ATG10: variants seen among roughly 807,000 people sequenced by gnomAD.
ATG10 encodes ubiquitin-like-conjugating enzyme ATG10.
In ATG10, 30 loss-of-function variants were observed where a neutral mutation model predicts 32.1. The observed-to-expected ratio is 0.94, with a 90% CI of 0.70 to 1.27. The LOEUF is 1.27. ATG10 is among the 50% of genes most tolerant of loss of function. The pLI, the probability that ATG10 is intolerant of heterozygous loss-of-function variation, is 0.00. For synonymous variants in ATG10, 87 were observed against 91.5 expected, an observed-to-expected ratio of 0.95 and a Z score of 0.28; for missense variants, 233 against 262.3, an observed-to-expected ratio of 0.89 and a Z score of 0.77.
chr5:82,033,225 T>C (rs906260717), intron 2 of ATG10, among the ~76,000 whole-genome samples: 1 of 152,204 alleles, frequency 6.6e-6, no homozygotes, highest in Non-Finnish European at 1.5e-5. Context: ...AATTTTTATA[T>C]GTACATATAT....
intron 3 of ATG10, among the ~76,000 whole-genome samples, chr5:82,115,179 A>G (rs1454397300): frequency 6.6e-6 from 1 of 152,104 alleles, no homozygotes; most frequent in Non-Finnish European, 1.5e-5. Flanking sequence ...GAAGAAATCA[A>G]CGATGAAAAG....
chr5:82,190,723 G>A (rs1464476883), intron 5 of ATG10, among the ~76,000 whole-genome samples: 4 of 121,032 alleles, frequency 3.3e-5, no homozygotes, highest in East Asian at 2.9e-4. Flanking sequence ...GCAGTGAGCC[G>A]AGATCACACC....
intron 5 of ATG10, among the ~76,000 whole-genome samples, chr5:82,235,649 G>A (rs1746525229): frequency 6.6e-6 from 1 of 152,192 alleles, no homozygotes; most frequent in Non-Finnish European, 1.5e-5. Flanking sequence ...GCAGGGGTTT[G>A]ACTAGAGAGA....
chr5:82,085,972 ATAT>A (rs995792319), intron 3 of ATG10, among the ~76,000 whole-genome samples: 4 of 152,188 alleles, frequency 2.6e-5, no homozygotes, highest in Non-Finnish European at 5.9e-5. Context: ...ACAATAGATA[ATAT>A]TGAATTAAAA....
chr5:82,193,224 A>C (rs1463134698), intron 5 of ATG10, among the ~76,000 whole-genome samples: 1 of 152,184 alleles, frequency 6.6e-6, no homozygotes, highest in East Asian at 1.9e-4. Context: ...GATGTATCTT[A>C]GTATGTCCTA....
chr5:82,225,164 A>T (rs1028077588), intron 5 of ATG10, among the ~76,000 whole-genome samples: 7 of 152,204 alleles, frequency 4.6e-5, no homozygotes, highest in African/African-American at 4.8e-5. Context: ...TTCAAATTTT[A>T]TGGGTATTTC....
intron 2 of ATG10, among the ~76,000 whole-genome samples, chr5:81,993,302 CTTTCT>C (rs1761516953): frequency 3.1e-5 from 1 of 32,032 alleles, no homozygotes; most frequent in African/African-American, 6.4e-5. Flanking sequence ...TCTTTCTTTC[CTTTCT>C]TTCCTTTCTT....
intron 4 of ATG10, among the ~76,000 whole-genome samples, chr5:82,174,791 T>A (rs1167445165): frequency 1.3e-5 from 2 of 152,302 alleles, no homozygotes; most frequent in South Asian, 4.1e-4. Flanking sequence ...TAAAAACATG[T>A]AGTCCCACCA....
At chr5:82,043,338 T>C (rs971502095) in intron 2 of ATG10, among the ~76,000 whole-genome samples, 2 of 152,212 alleles carry the variant, frequency 1.3e-5, no homozygotes, top group African/African-American at 4.8e-5. Context: ...AGTGGGGCCC[T>C]GGGCCTGGCC....
At chr5:81,979,237 A>T (rs1227706727) in intron 1 of ATG10, among the ~76,000 whole-genome samples, 2 of 144,398 alleles carry the variant, frequency 1.4e-5, no homozygotes, top group East Asian at 4.8e-4. Context: ...TTAAAAAAAA[A>T]TGTTTACTGG....
intron 3 of ATG10, among the ~76,000 whole-genome samples, chr5:82,098,274 G>A (rs1467416858): frequency 6.7e-6 from 1 of 148,666 alleles, no homozygotes; most frequent in Admixed American, 6.7e-5. Context: ...ATTGAACTTA[G>A]CTTTAAACAT....
At chr5:82,010,012 T>C in intron 2 of ATG10, 1 of 1,609,684 alleles carries the variant, frequency 6.2e-7, no homozygotes, top group Admixed American at 1.7e-5. Flanking sequence ...TTTGGGACCT[T>C]GTCAGCTAAC....
intron 2 of ATG10, among the ~76,000 whole-genome samples, chr5:82,018,678 C>G (rs966464891): frequency 6.6e-6 from 1 of 152,194 alleles, no homozygotes; most frequent in Non-Finnish European, 1.5e-5. Flanking sequence ...TGACTGGCCC[C>G]TCTGTCTAGA....
chr5:82,055,839 C>T (rs999939402), intron 2 of ATG10, among the ~76,000 whole-genome samples: 7 of 152,138 alleles, frequency 4.6e-5, no homozygotes, highest in African/African-American at 1.4e-4. Context: ...TGTACATTTT[C>T]TTTGTTTAGA....
chr5:82,058,780 T>C (rs558875151), intron 3 of ATG10, among the ~76,000 whole-genome samples, 178 bp downstream of exon 3: 2 of 152,294 alleles, frequency 1.3e-5, no homozygotes, highest in African/African-American at 4.8e-5. Flanking sequence ...TTCAAACTTC[T>C]TCCCACTGGA....
At chr5:82,222,411 C>A (rs964820752) in intron 5 of ATG10, among the ~76,000 whole-genome samples, 1 of 152,100 alleles carries the variant, frequency 6.6e-6, no homozygotes, top group African/African-American at 2.4e-5. Flanking sequence ...GGATTAAATA[C>A]AATAGTAAAT....
intron 3 of ATG10, among the ~76,000 whole-genome samples, chr5:82,140,091 A>G (rs1767020699): frequency 1.5e-5 from 2 of 133,742 alleles, no homozygotes; most frequent in Non-Finnish European, 1.6e-5. Flanking sequence ...CCACCCGGCC[A>G]GCCGCCCCGT....
chr5:82,070,523 C>G (rs1764097479), intron 3 of ATG10, among the ~76,000 whole-genome samples: 1 of 152,102 alleles, frequency 6.6e-6, no homozygotes, highest in South Asian at 2.1e-4. Context: ...TTCTCTCTGT[C>G]CACAACTTCC....
At position 82,121,273 on chromosome 5, in the gene ATG10, G is replaced by A. The variant is rs546356014; in HGVS notation, c.217-43126G>A. 1.2e-3 allele frequency among the ~76,000 whole-genome samples: 178 copies of A among 152,260 alleles called. 2 individuals are homozygous for A. The highest frequency in any genetic ancestry group is 2.3e-3 in the Admixed American group (35 of 15,286). ...GAGGACATAAATGCCCTCTTCACAC[G>A]TTTTCTATTTTGTCTTTTCACAGTT... On this transcript the variant is annotated intron_variant, in intron 3 of 7. Coordinates refer to ENST00000282185, the MANE Select transcript of ATG10 (RefSeq NM_031482.5).
Sources: gnomAD v4.1 joint callset for allele counts (sites outside exome capture counted in the v4.1 genomes callset) on GRCh38, gnomAD v4.1.1 for gene constraint, MANE v1.5 for transcripts, NCBI Gene and HGNC (gene_info 2026-07-23, HGNC 2026-07-21) for gene names.